Variants in HHIP observed in about 807,000 individuals in gnomAD.
HHIP encodes hedgehog interacting protein.
In HHIP, 12 loss-of-function variants were observed where a neutral mutation model predicts 74.0. That is an observed-to-expected ratio of 0.16 (90% CI 0.10 to 0.26). The LOEUF is 0.26. HHIP is among the 10% of genes least tolerant of loss of function. The pLI, the probability that HHIP is intolerant of heterozygous loss-of-function variation, is 1.00. For missense variants in HHIP, 788 were observed against 845.0 expected (o/e 0.93, Z 0.84); for synonymous variants, 309 against 311.6 (o/e 0.99, Z 0.09).
chr4:144,666,180 C>G (rs1362282887), intron 4 of HHIP, among the ~76,000 whole-genome samples: 3 of 152,000 alleles, frequency 2.0e-5, no homozygotes, highest in African/African-American at 7.2e-5. Flanking sequence ...ACAAAACTAT[C>G]TCTAAATGGC....
At chr4:144,699,409 T>C (rs1289574038) in intron 4 of HHIP, among the ~76,000 whole-genome samples, 1 of 152,160 alleles carries the variant, frequency 6.6e-6, no homozygotes. Context: ...TGTGCCACTC[T>C]CTGTGAACCC....
rs1033701412 is a variant in HHIP at position 144,712,147 on chromosome 4, G to C, written c.1423+76G>C. Reference sequence around the variant, plus strand: ...GTATATTTAGTAATTGAAGAGAAAGGGATTTCTGAAAAATGAGCATTTGGG... The same window carrying C: ...GTATATTTAGTAATTGAAGAGAAAGCGATTTCTGAAAAATGAGCATTTGGG... On this transcript the variant is annotated intron_variant, in intron 8 of 12. Transcript: ENST00000296575. The C allele has an allele frequency of 3.8e-6, 5 of 1,304,300 alleles. No homozygotes were observed. The African/African-American group carries it at 7.4e-5, about 19-fold the overall frequency. 80.8% of individuals were successfully genotyped at this position (1,304,300 alleles called of 1,614,324 possible).
In HHIP at chr4:144,658,950, C is replaced by G. The variant is rs1163374086; in HGVS notation, c.629+4C>G. 5 of 1,598,920 alleles carry G rather than the reference C, an allele frequency of 3.1e-6. No homozygotes were observed. The highest frequency in any genetic ancestry group is 4.3e-6 in the Non-Finnish European group (5 of 1,172,576). Reference sequence around the variant, plus strand: ...ACAAAGTGGAAGAGATCAGCAGGTTCATAAAGATAAATGCTCTTTAATCTT... The same window carrying G: ...ACAAAGTGGAAGAGATCAGCAGGTTGATAAAGATAAATGCTCTTTAATCTT... On this transcript the variant is annotated splice_donor_region_variant and intron_variant, in intron 3 of 12. Transcript: ENST00000296575.
At chr4:144,718,384 G>T (rs1421867630) in intron 10 of HHIP, among the ~76,000 whole-genome samples, 4 of 152,186 alleles carry the variant, frequency 2.6e-5, no homozygotes, top group Non-Finnish European at 5.9e-5. Context: ...AGCCGGTGAG[G>T]CTAGAGAAGA....
rs57219459 is a variant in HHIP at position 144,691,633 on chromosome 4, A to T, written c.832-14898A>T. Among the ~76,000 whole-genome samples the T allele has an allele frequency of 4.2e-3, 645 of 152,204 alleles. 5 individuals are homozygous for T. The highest frequency in any genetic ancestry group is 0.015 in the African/African-American group (630 of 41,542). On this transcript the variant is annotated intron_variant, in intron 4 of 12. Coordinates refer to ENST00000296575, the MANE Select transcript of HHIP (RefSeq NM_022475.3). ...AACAGTGCCTCCATTTATATACTTA[A>T]ATGTCTATGTATAGGATTTTTTTAC...
intron 1 of HHIP, 76 bp from the exon 2 acceptor site, chr4:144,652,529 T>C (rs1728450723): frequency 1.1e-6 from 1 of 910,352 alleles, no homozygotes. Flanking sequence ...ACTTACACAA[T>C]TGCAAAAAAT....
rs1731183290 is a variant in HHIP, at chr4:144,738,461, G to T, written c.*504G>T. ...TGATGAATTTCTAAGTGAGCAACTT[G>T]ATATAAAATTGTAATCTTCATTTTT... On this transcript the variant is annotated 3_prime_UTR_variant, in exon 13 of 13. Transcript: ENST00000296575. The T allele has an allele frequency of 7.1e-6, 7 of 980,298 alleles. No homozygotes were observed. The highest frequency in any genetic ancestry group is 8.5e-6 in the Non-Finnish European group (7 of 825,036). 60.7% of individuals were successfully genotyped at this position (980,298 alleles called of 1,614,324 possible).
intron 11 of HHIP, among the ~76,000 whole-genome samples, chr4:144,720,806 T>C (rs1560719655): frequency 6.6e-6 from 1 of 152,204 alleles, no homozygotes; most frequent in South Asian, 2.1e-4. Context: ...CAAATGTTTT[T>C]ATAAACATTT....
At chr4:144,682,513 A>C (rs1051678656) in intron 4 of HHIP, among the ~76,000 whole-genome samples, 3 of 152,230 alleles carry the variant, frequency 2.0e-5, no homozygotes, top group Non-Finnish European at 2.9e-5. Context: ...ATTTTCCTGT[A>C]AACTTGAAAC....
intron 4 of HHIP, among the ~76,000 whole-genome samples, chr4:144,664,815 AC>A (rs1365892550): frequency 6.6e-6 from 1 of 152,214 alleles, no homozygotes; most frequent in African/African-American, 2.4e-5. Context: ...ATTTTTGTAT[AC>A]TGAATGGCAT....
chr4:144,742,225 T>A lies in HHIP; in HGVS notation c.*4268T>A, dbSNP rs908704090. 6.6e-6 allele frequency: 1 copy of A among 152,202 alleles called. No individual in the cohort carries two copies. The highest frequency in any genetic ancestry group is 2.4e-5 in the African/African-American group (1 of 41,450). 9.4% of individuals were successfully genotyped at this position (152,202 alleles called of 1,614,324 possible). ...TTGCTGTTGATTTTGCTGGTTATGA[T>A]CTTTTCTTTGTTTTTCTGAAAAATA... On this transcript the variant is annotated 3_prime_UTR_variant, in exon 13 of 13. Coordinates refer to ENST00000296575, the MANE Select transcript of HHIP (RefSeq NM_022475.3).
chr4:144,703,605 TGGGCTA>T (rs1332636774), intron 4 of HHIP, among the ~76,000 whole-genome samples: 1 of 152,138 alleles, frequency 6.6e-6, no homozygotes, highest in Non-Finnish European at 1.5e-5. Context: ...AGGGAGTCTT[TGGGCTA>T]GGGGATCAGA....
Position 144,742,758 on chromosome 4 carries a change from T to C in HHIP, c.*4801T>C, listed in dbSNP as rs929347037. Reference sequence around the variant, plus strand: ...TACCTAAAAATAAATATATATTTGCTATCTTATCCTCTTTTTGTCACACAA... The same window carrying C: ...TACCTAAAAATAAATATATATTTGCCATCTTATCCTCTTTTTGTCACACAA... On this transcript the variant is annotated 3_prime_UTR_variant, in exon 13 of 13. Transcript: ENST00000296575. 1 of 148,916 alleles carries C rather than the reference T, an allele frequency of 6.7e-6. No homozygotes were observed. Among genetic ancestry groups the C allele is most frequent in the Non-Finnish European group, 1.5e-5 (1 of 67,380 alleles). 9.2% of individuals were successfully genotyped at this position (148,916 alleles called of 1,614,324 possible). A position where few individuals can be genotyped will look rare whatever the true frequency, so the allele number is the denominator to read the frequency against.
chr4:144,722,546 T>C (rs934150465), intron 11 of HHIP, among the ~76,000 whole-genome samples: 2 of 152,210 alleles, frequency 1.3e-5, no homozygotes, highest in African/African-American at 4.8e-5. Context: ...AAGACATCTA[T>C]GGAGCTTCTA....
chr4:144,732,008 A>G (rs529772533), intron 11 of HHIP, among the ~76,000 whole-genome samples: 17 of 152,252 alleles, frequency 1.1e-4, no homozygotes, highest in Admixed American at 3.9e-4. Context: ...CTCCCTGAAG[A>G]GCGCAGTACT....
chr4:144,678,615 T>C (rs928775953), intron 4 of HHIP, among the ~76,000 whole-genome samples: 7 of 152,194 alleles, frequency 4.6e-5, no homozygotes, highest in Admixed American at 1.3e-4. Flanking sequence ...ATTCTTCAAC[T>C]CCAACTTATC....
intron 4 of HHIP, among the ~76,000 whole-genome samples, chr4:144,694,141 T>C (rs973031438): frequency 7.2e-5 from 11 of 151,874 alleles, no homozygotes; most frequent in Admixed American, 2.6e-4. Context: ...ACTTGGTAAA[T>C]TGCAAGTTTA....
chr4:144,693,139 C>T (rs1729720905), intron 4 of HHIP, among the ~76,000 whole-genome samples: 1 of 152,118 alleles, frequency 6.6e-6, no homozygotes, highest in Admixed American at 6.6e-5. Flanking sequence ...AGTGGAACCA[C>T]TATAAACACT....
chr4:144,737,843 T>A lies in HHIP; in HGVS notation c.1989T>A (p.Gly663=). The A allele has an allele frequency of 6.2e-7, 1 of 1,613,982 alleles. No individual in the cohort carries two copies. ...NKCLCKKGYL[G]PQCEQVDRNI... is the part of the protein sequence containing the mutation. ...GCCTCTGTAAAAAAGGATATCTTGG[T>A]CCTCAATGTGAACAAGTGGACAGAA... The change falls in exon 13 of 13, where the codon GGT becomes GGA. Residue 663 remains glycine, a synonymous_variant. Transcript: ENST00000296575.
Sources: allele counts gnomAD v4.1 joint callset (sites outside exome capture counted in the v4.1 genomes callset), GRCh38; gene constraint gnomAD v4.1.1; transcripts MANE v1.5; gene names NCBI Gene and HGNC (gene_info 2026-07-23, HGNC 2026-07-21).